Variants in MAPK10 observed in about 807,000 individuals in gnomAD.
MAPK10 encodes mitogen-activated protein kinase 10.
A neutral mutation model predicts 59.3 loss-of-function variants in MAPK10; 25 were observed. The observed-to-expected ratio is 0.42, with a 90% CI of 0.31 to 0.59. MAPK10 has a LOEUF of 0.59. Ranked by LOEUF, MAPK10 falls within the 20% of genes least tolerant of loss-of-function variation. MAPK10 has a pLI of 0.15. For synonymous variants in MAPK10, 190 were observed against 200.5 expected (o/e 0.95, Z 0.44); for missense variants, 351 against 568.9 (o/e 0.62, Z 3.90).
At chr4:86,272,582 T>C (rs1583851686) in intron 2 of MAPK10, among the ~76,000 whole-genome samples, 2 of 152,050 alleles carry the variant, frequency 1.3e-5, no homozygotes, top group Admixed American at 6.6e-5. Flanking sequence ...ACACTAGATA[T>C]CTAAGATCAG....
At chr4:86,280,321 A>G (rs537387692) in intron 2 of MAPK10, among the ~76,000 whole-genome samples, 41 of 152,228 alleles carry the variant, frequency 2.7e-4, no homozygotes, top group Admixed American at 9.8e-4. Context: ...CAGAGAAGAC[A>G]TACAAGAGGC....
At chr4:86,203,691 T>G (rs545488594) in intron 2 of MAPK10, among the ~76,000 whole-genome samples, 3 of 150,394 alleles carry the variant, frequency 2.0e-5, no homozygotes, top group Admixed American at 6.6e-5. Flanking sequence ...AAGTCATTGT[T>G]AATTAAAAAT....
At chr4:86,436,134 C>T (rs1048129737) in intron 1 of MAPK10, among the ~76,000 whole-genome samples, 2 of 152,068 alleles carry the variant, frequency 1.3e-5, no homozygotes. Flanking sequence ...AGTTCATAAC[C>T]CCTCTTCCCT....
chr4:86,588,418 AACAG>A, intron 1 of MAPK10, among the ~76,000 whole-genome samples: 1 of 152,310 alleles, frequency 6.6e-6, no homozygotes, highest in African/African-American at 2.4e-5. Flanking sequence ...TCAAACAGTT[AACAG>A]AAAAATATCT....
At chr4:86,136,053 G>A (rs949233250) in intron 4 of MAPK10, among the ~76,000 whole-genome samples, 53 of 152,158 alleles carry the variant, frequency 3.5e-4, no homozygotes, top group Admixed American at 7.9e-4. Context: ...CCAAATCTAC[G>A]TCTGATTGGT....
intron 2 of MAPK10, among the ~76,000 whole-genome samples, chr4:86,199,390 A>C (rs2082113556): frequency 6.6e-6 from 1 of 151,914 alleles, no homozygotes; most frequent in South Asian, 2.1e-4. Context: ...ACAAGTATCA[A>C]ATATGACAAC....
At chr4:86,581,639 T>G (rs1344888346) in intron 1 of MAPK10, among the ~76,000 whole-genome samples, 1 of 151,234 alleles carries the variant, frequency 6.6e-6, no homozygotes, top group Non-Finnish European at 1.5e-5. Context: ...TTATTCTGGT[T>G]GTTTTGTATA....
intron 11 of MAPK10, among the ~76,000 whole-genome samples, chr4:86,051,888 GA>G (rs1397218731): frequency 6.6e-6 from 1 of 152,036 alleles, no homozygotes; most frequent in African/African-American, 2.4e-5. Flanking sequence ...CATGGCAGAG[GA>G]AAATAAATAT....
In MAPK10 at chr4:86,017,438, A is replaced by T; in HGVS notation, c.1253-68T>A. ...CAGACCCATCTTAATGCCATTCAGG[A>T]TTCAGGGATGGGCAAATACAATAGG... On this transcript the variant is annotated intron_variant, in intron 13 of 13. Transcript: ENST00000641462. The surrounding 1 kb of genome is among the most constrained non-coding windows in gnomAD (Gnocchi z 4.4). 2 of 1,573,576 alleles carry T rather than the reference A, an allele frequency of 1.3e-6. No homozygotes were observed. The highest frequency in any genetic ancestry group is 1.7e-6 in the Non-Finnish European group (2 of 1,148,972).
chr4:86,520,690 G>C (rs149123388), intron 1 of MAPK10, among the ~76,000 whole-genome samples: 2,742 of 152,214 alleles, frequency 0.018, 80 homozygotes, highest in African/African-American at 0.064. Context: ...ATAGAATCTC[G>C]TTTTGTCATA....
chr4:86,485,090 AGGACTTTCT>A (rs1439908903), intron 1 of MAPK10, among the ~76,000 whole-genome samples: 1 of 152,192 alleles, frequency 6.6e-6, no homozygotes, highest in African/African-American at 2.4e-5. Flanking sequence ...AGAGCTCAAG[AGGACTTTCT>A]GGTTTTTGGT....
chr4:86,293,840 C>T (rs75060520), intron 2 of MAPK10, among the ~76,000 whole-genome samples: 17,125 of 152,122 alleles, frequency 0.11, 1,057 homozygotes, highest in African/African-American at 0.15. Flanking sequence ...GAGGATGGTG[C>T]TAATCCATTC....
chr4:86,151,296 GA>G (rs2149209233), intron 4 of MAPK10, among the ~76,000 whole-genome samples: 1 of 152,306 alleles, frequency 6.6e-6, no homozygotes, highest in South Asian at 2.1e-4. Flanking sequence ...TGTTGCTGGT[GA>G]AGTGGAATTG....
rs942684708 is a variant in MAPK10, at chr4:86,056,299, C to T, written c.1110+7967G>A. Among the ~76,000 whole-genome samples the T allele has an allele frequency of 2.7e-5, 4 of 150,232 alleles. 1 individual carries two copies. Among genetic ancestry groups the T allele is most frequent in the African/African-American group, 7.5e-5 (3 of 40,252 alleles). On this transcript the variant is annotated intron_variant, in intron 11 of 13. Coordinates refer to ENST00000641462, the MANE Select transcript of MAPK10 (RefSeq NM_138982.4). ...TTTTATTCAATGGTTTATCTCCAAA[C>T]AGTAGATATCTACTGATGAACTATT...
chr4:86,363,463 G>A (rs940438928), upstream of MAPK10, among the ~76,000 whole-genome samples: 20 of 152,184 alleles, frequency 1.3e-4, 1 homozygote, highest in Middle Eastern at 3.4e-3. Flanking sequence ...ATTTTCATCC[G>A]TTAGGTGTTA....
At chr4:86,445,182 A>G (rs2149050353) in intron 1 of MAPK10, among the ~76,000 whole-genome samples, 1 of 152,340 alleles carries the variant, frequency 6.6e-6, no homozygotes, top group East Asian at 1.9e-4. Flanking sequence ...ATGCCCATCA[A>G]TGATAAACTG....
chr4:86,125,280 A>G (rs2059893118), intron 4 of MAPK10: 1 of 151,924 alleles, frequency 6.6e-6, no homozygotes, highest in South Asian at 2.1e-4. Context: ...CTTCAGAAAA[A>G]TATCAGAAAT....
At chr4:86,500,969 A>G (rs1219298112) in intron 1 of MAPK10, among the ~76,000 whole-genome samples, 2 of 152,078 alleles carry the variant, frequency 1.3e-5, no homozygotes, top group Non-Finnish European at 2.9e-5. Flanking sequence ...AGTATTTGAA[A>G]TCTGTTAACA....
intron 1 of MAPK10, among the ~76,000 whole-genome samples, chr4:86,535,775 A>G (rs1758196222): frequency 6.6e-6 from 1 of 152,180 alleles, no homozygotes; most frequent in Non-Finnish European, 1.5e-5. Context: ...AAAATGAAAA[A>G]CAAGCTGAGC....
Sources: gnomAD v4.1 joint callset for allele counts (sites outside exome capture counted in the v4.1 genomes callset) on GRCh38, gnomAD v4.1.1 for gene constraint, Gnocchi (gnomAD v3.1) non-coding constraint, MANE v1.5 for transcripts, NCBI Gene and HGNC (gene_info 2026-07-23, HGNC 2026-07-21) for gene names.